Variants in MCF2L observed in about 807,000 individuals in gnomAD.
The protein encoded by MCF2L is MCF.2 cell line derived transforming sequence like.
Under a neutral mutation model 153.4 loss-of-function variants are expected in MCF2L, and 97 were observed. The ratio of observed to expected loss-of-function variants is 0.63; its 90% CI spans 0.54 to 0.75. MCF2L has a LOEUF of 0.75. Among genes scored for constraint, MCF2L ranks in the 30% least tolerant of loss-of-function variants. MCF2L has a pLI of 0.00. For synonymous variants in MCF2L, 659 were observed against 632.2 expected, an observed-to-expected ratio of 1.04 and a Z score of -0.64; for missense variants, 1,347 against 1,495.2, an observed-to-expected ratio of 0.90 and a Z score of 1.64.
intron 2 of MCF2L, among the ~76,000 whole-genome samples, chr13:112,916,065 G>C (rs897052240): frequency 6.6e-6 from 1 of 150,562 alleles, no homozygotes; most frequent in African/African-American, 2.5e-5. Flanking sequence ...AAAATTAGCC[G>C]GGCATGATGG....
At position 112,996,366 on chromosome 13, in the gene MCF2L, G is replaced by T. The variant is rs140271370; in HGVS notation, c.80-18397G>T. On this transcript the variant is annotated intron_variant, in intron 1 of 29. Coordinates refer to ENST00000535094, the MANE Select transcript of MCF2L (RefSeq NM_001112732.3). ...TGACTTTAGAGAGTTTCTGACAAAAGAATGGAAATGTTTCTGGTCCCTGCA... is the reference window on the plus strand; with the variant it reads ...TGACTTTAGAGAGTTTCTGACAAAATAATGGAAATGTTTCTGGTCCCTGCA... Among the ~76,000 whole-genome samples the T allele has an allele frequency of 2.0e-5, 3 of 152,308 alleles. No homozygotes were observed. The East Asian group carries it at 5.8e-4, about 29-fold the overall frequency.
In MCF2L at chr13:113,097,352, C is replaced by T. The variant is rs1183549136; in HGVS notation, c.*493C>T. The T allele has an allele frequency of 6.4e-6, 1 of 155,174 alleles. No individual in the cohort carries two copies. The highest frequency in any genetic ancestry group is 1.9e-4 in the East Asian group (1 of 5,278). 9.6% of individuals were successfully genotyped at this position (155,174 alleles called of 1,614,324 possible). On this transcript the variant is annotated 3_prime_UTR_variant, in exon 30 of 30. Transcript: ENST00000535094. Reference sequence around the variant, plus strand: ...TTGGCCTCAATTCTTCACCAGGAATCACTGTGTTTACATGAAATGACAATT... The same window carrying T: ...TTGGCCTCAATTCTTCACCAGGAATTACTGTGTTTACATGAAATGACAATT...
chr13:112,914,461 G>A (rs1340996446), intron 2 of MCF2L, among the ~76,000 whole-genome samples: 1 of 152,210 alleles, frequency 6.6e-6, no homozygotes, highest in Non-Finnish European at 1.5e-5. Flanking sequence ...TAGTATACAT[G>A]CCCTTCAGCG....
At chr13:112,905,450 C>G (rs931212172) in intron 2 of MCF2L, among the ~76,000 whole-genome samples, 1 of 152,100 alleles carries the variant, frequency 6.6e-6, no homozygotes, top group Non-Finnish European at 1.5e-5. Context: ...AGATTGGGAA[C>G]GGCACGAAGT....
exon 1 of MCF2L, chr13:112,894,384 G>A (rs1037904219): frequency 6.7e-6 from 1 of 149,286 alleles, no homozygotes; most frequent in African/African-American, 2.5e-5. Context: ...GGACACCTGC[G>A]GGGCGCGGAG....
intron 21 of MCF2L, among the ~76,000 whole-genome samples, chr13:113,086,670 A>G (rs1039759008): frequency 3.9e-5 from 6 of 152,176 alleles, no homozygotes; most frequent in African/African-American, 7.2e-5. Flanking sequence ...CTTTCCCCGT[A>G]GAGCCCCACA....
rs762077719 is a variant in MCF2L, at chr13:113,090,074, C to A, written c.2953+346C>A. Reference sequence around the variant, plus strand: ...TCTTTCTCTTCCTTCATAGATGACACGGTCACTAGCTCTGCCTCAGAAAGC... The same window carrying A: ...TCTTTCTCTTCCTTCATAGATGACAAGGTCACTAGCTCTGCCTCAGAAAGC... On this transcript the variant is annotated intron_variant, in intron 26 of 29. Coordinates refer to ENST00000535094, the MANE Select transcript of MCF2L (RefSeq NM_001112732.3). The A allele has an allele frequency of 1.9e-6, 3 of 1,555,852 alleles. No homozygotes were observed. The East Asian group carries it at 7.3e-5, about 38-fold the overall frequency.
chr13:113,018,832 A>G (rs1178140652), intron 2 of MCF2L, among the ~76,000 whole-genome samples: 1 of 152,180 alleles, frequency 6.6e-6, no homozygotes, highest in African/African-American at 2.4e-5. Flanking sequence ...ACTCCCTGCA[A>G]TGGACGGCGG....
rs376896873 is a variant in MCF2L at position 113,089,758 on chromosome 13, C to T, written c.2953+30C>T. On this transcript the variant is annotated intron_variant, in intron 26 of 29. Coordinates refer to ENST00000535094, the MANE Select transcript of MCF2L (RefSeq NM_001112732.3). Reference sequence around the variant, plus strand: ...GTATGTGCAGGGACCGGGCCTCACACGGAGGCCTCACACGGAGCTGCTCAC... The same window carrying T: ...GTATGTGCAGGGACCGGGCCTCACATGGAGGCCTCACACGGAGCTGCTCAC... The T allele has an allele frequency of 2.1e-5, 34 of 1,593,550 alleles. No individual in the cohort carries two copies. In the African/African-American group the frequency reaches 2.1e-4, roughly 10 times the overall value.
intron 2 of MCF2L, among the ~76,000 whole-genome samples, chr13:112,952,910 G>A (rs1346842237): frequency 1.3e-5 from 2 of 152,162 alleles, no homozygotes; most frequent in Non-Finnish European, 2.9e-5. Context: ...GAGAGAACAC[G>A]GGGCGCCCCG....
chr13:112,911,379 T>C (rs1007197780), intron 2 of MCF2L, among the ~76,000 whole-genome samples: 1 of 151,808 alleles, frequency 6.6e-6, no homozygotes, highest in African/African-American at 2.4e-5. Context: ...CCATGCAGGG[T>C]GTAGACCCAG....
intron 2 of MCF2L, among the ~76,000 whole-genome samples, chr13:113,015,470 C>A (rs1430688404): frequency 2.0e-5 from 3 of 152,058 alleles, no homozygotes; most frequent in Non-Finnish European, 4.4e-5. Flanking sequence ...TGCCCCGATG[C>A]CGAGGAGGGT....
intron 8 of MCF2L, among the ~76,000 whole-genome samples, chr13:113,069,602 G>A (rs543368323): frequency 6.0e-5 from 9 of 149,256 alleles, no homozygotes; most frequent in Non-Finnish European, 1.3e-4. Context: ...AGAGGTCGCA[G>A]TGAGCCGAGA....
chr13:113,094,399 G>T, intron 26 of MCF2L, 115 bp from the exon 27 acceptor site: 2 of 1,105,750 alleles, frequency 1.8e-6, no homozygotes, highest in Non-Finnish European at 1.3e-6. Context: ...GGCTCTGTTG[G>T]GGGCCCACGG....
At position 113,078,454 on chromosome 13, in the gene MCF2L, C is replaced by G; in HGVS notation, c.1734+18C>G. The G allele has an allele frequency of 1.2e-6, 2 of 1,602,336 alleles. No individual in the cohort carries two copies. The highest frequency in any genetic ancestry group is 1.7e-6 in the Non-Finnish European group (2 of 1,173,702). ...GGGCCAAGGTGAGGCTTGCCCAAGA[C>G]AACCCCGCCATCCACACCCCCCTCC... On this transcript the variant is annotated intron_variant, in intron 14 of 29. Transcript: ENST00000535094.
chr13:112,938,378 G>A (rs1033598339), intron 2 of MCF2L, among the ~76,000 whole-genome samples: 1 of 152,114 alleles, frequency 6.6e-6, no homozygotes, highest in Non-Finnish European at 1.5e-5. Flanking sequence ...TTGACTGGAG[G>A]TGCGAGTTCT....
At chr13:113,063,180 T>C (rs1204969220) in intron 5 of MCF2L, among the ~76,000 whole-genome samples, 1 of 152,210 alleles carries the variant, frequency 6.6e-6, no homozygotes, top group Non-Finnish European at 1.5e-5. Context: ...AACGTGCCCA[T>C]TTACGAAGGA....
chr13:113,072,331 C>G (rs902216897), intron 9 of MCF2L, among the ~76,000 whole-genome samples: 2 of 152,152 alleles, frequency 1.3e-5, no homozygotes, highest in African/African-American at 4.8e-5. Flanking sequence ...ATTCTACCCC[C>G]CACCCACAAC....
At position 113,035,597 on chromosome 13, in the gene MCF2L, C is replaced by T. The variant is rs947886448; in HGVS notation, c.279-9674C>T. Among the ~76,000 whole-genome samples, 1 of 152,192 alleles carries T rather than the reference C, an allele frequency of 6.6e-6. No homozygotes were observed. Among genetic ancestry groups the T allele is most frequent in the African/African-American group, 2.4e-5 (1 of 41,434 alleles). On this transcript the variant is annotated intron_variant, in intron 3 of 29. Coordinates refer to ENST00000535094, the MANE Select transcript of MCF2L (RefSeq NM_001112732.3). The surrounding 1 kb of genome is among the most constrained non-coding windows in gnomAD (Gnocchi z 4.4). ...TTTTCTTCCATGAGGATGCGGTTCC[C>T]GTGTCCCCCAGGACAGCTTCGTGGC...
Sources: allele counts gnomAD v4.1 joint callset (sites outside exome capture counted in the v4.1 genomes callset), GRCh38; gene constraint gnomAD v4.1.1; non-coding constraint Gnocchi (gnomAD v3.1); transcripts MANE v1.5; gene names NCBI Gene and HGNC (gene_info 2026-07-23, HGNC 2026-07-21).